MTSS1: variants seen among roughly 807,000 people sequenced by gnomAD.
MTSS1 encodes the protein protein MTSS 1.
Under a neutral mutation model 79.0 loss-of-function variants are expected in MTSS1, and 18 were observed. The observed-to-expected ratio is 0.23, with a 90% confidence interval of 0.16 to 0.34. The LOEUF is 0.34. Among genes scored for constraint, MTSS1 ranks in the 10% least tolerant of loss-of-function variants. The probability of loss-of-function intolerance (pLI) is 1.00; values close to 1 mark genes in which losing one functional copy is unlikely to be tolerated. For missense variants in MTSS1, 815 were observed against 986.2 expected, an observed-to-expected ratio of 0.83 and a Z score of 2.33; for synonymous variants, 341 against 368.6, an observed-to-expected ratio of 0.93 and a Z score of 0.86.
chr8:124,634,266 T>C (rs1225631710), intron 3 of MTSS1, among the ~76,000 whole-genome samples: 2 of 147,320 alleles, frequency 1.4e-5, no homozygotes, highest in East Asian at 4.0e-4. Context: ...CACACCATCA[T>C]ACCTGGCTAG....
chr8:124,605,299 A>T (rs1259650581), intron 3 of MTSS1, among the ~76,000 whole-genome samples: 2 of 152,242 alleles, frequency 1.3e-5, no homozygotes, highest in Non-Finnish European at 2.9e-5. Context: ...TGATGCAGAA[A>T]CCACATGTCA....
intron 3 of MTSS1, among the ~76,000 whole-genome samples, chr8:124,624,141 A>G (rs1239366753): frequency 6.6e-6 from 1 of 152,210 alleles, no homozygotes; most frequent in African/African-American, 2.4e-5. Flanking sequence ...CTCCTATTTG[A>G]AAAGGTTTGT....
chr8:124,645,648 C>T (rs1352509123), intron 3 of MTSS1, among the ~76,000 whole-genome samples: 2 of 151,878 alleles, frequency 1.3e-5, no homozygotes, highest in African/African-American at 4.8e-5. Context: ...ACTACTGTCC[C>T]CAAATCTCAT....
At chr8:124,705,465 C>T (rs6985856) in intron 1 of MTSS1, among the ~76,000 whole-genome samples, 49,198 of 151,764 alleles carry the variant, frequency 0.32, 8,904 homozygotes, top group African/African-American at 0.5. Flanking sequence ...AGCAACACTC[C>T]GTCTCAAAAA....
At chr8:124,556,152 GC>G (rs761461466) in intron 12 of MTSS1, 79 bp downstream of exon 12, 46 of 1,599,734 alleles carry the variant, frequency 2.9e-5, no homozygotes, top group Admixed American at 8.6e-5. Flanking sequence ...GGCTGCCTTG[GC>G]CCCCCAGTTG....
chr8:124,578,586 G>A (rs1033710520), intron 6 of MTSS1, among the ~76,000 whole-genome samples: 1 of 151,936 alleles, frequency 6.6e-6, no homozygotes, highest in South Asian at 2.1e-4. Flanking sequence ...CCCGAGGTCA[G>A]GAGTTCAAGA....
In MTSS1 at chr8:124,552,926, G is replaced by C; in HGVS notation, c.*66C>G. The C allele has an allele frequency of 6.7e-7, 1 of 1,495,144 alleles. No homozygotes were observed. 92.6% of individuals were successfully genotyped at this position (1,495,144 alleles called of 1,614,324 possible). A position where few individuals can be genotyped will look rare whatever the true frequency, so the allele number is the denominator to read the frequency against. Reference sequence around the variant, plus strand: ...CTTTTGTTTTATTATAGAGTGGAATGGATCAAGACAAATTAGGTTTTATTA... The same window carrying C: ...CTTTTGTTTTATTATAGAGTGGAATCGATCAAGACAAATTAGGTTTTATTA... On this transcript the variant is annotated 3_prime_UTR_variant, in exon 14 of 14. Coordinates refer to ENST00000518547, the MANE Select transcript of MTSS1 (RefSeq NM_014751.6).
intron 3 of MTSS1, among the ~76,000 whole-genome samples, chr8:124,639,621 C>T (rs1169979989): frequency 6.6e-6 from 1 of 151,930 alleles, no homozygotes; most frequent in East Asian, 1.9e-4. Flanking sequence ...TGCCACCATG[C>T]CCAGCTAATT....
At chr8:124,587,982 G>A (rs1831169361) in intron 5 of MTSS1, among the ~76,000 whole-genome samples, 1 of 152,214 alleles carries the variant, frequency 6.6e-6, no homozygotes, top group Non-Finnish European at 1.5e-5. Context: ...TCTGTTGTCT[G>A]TGATAGACAA....
chr8:124,633,508 C>T (rs778204837), intron 3 of MTSS1, among the ~76,000 whole-genome samples: 59 of 152,214 alleles, frequency 3.9e-4, no homozygotes, highest in Non-Finnish European at 6.8e-4. Context: ...AGTGGGTTTA[C>T]GCTTGTAATC....
rs1367789858 is a variant in MTSS1, at chr8:124,553,719, T to C, written c.1568-27A>G. ...TGATTATAGGATTTGATTAGACATA[T>C]TCAAGACAGCAGCTGTGCTTTTTTG... On this transcript the variant is annotated intron_variant, in intron 13 of 13. Coordinates refer to ENST00000518547, the MANE Select transcript of MTSS1 (RefSeq NM_014751.6). This position sits in a 1 kb window ranked among gnomAD's most constrained non-coding sequence, Gnocchi z 6.0. The C allele has an allele frequency of 1.3e-6, 2 of 1,568,934 alleles. No individual in the cohort carries two copies. The highest frequency in any genetic ancestry group is 1.7e-6 in the Non-Finnish European group (2 of 1,151,558).
chr8:124,640,102 A>T (rs950601274), intron 3 of MTSS1, among the ~76,000 whole-genome samples: 14 of 152,210 alleles, frequency 9.2e-5, no homozygotes, highest in Admixed American at 7.8e-4. Flanking sequence ...CATTTTACAG[A>T]GGAGGAAACT....
chr8:124,704,328 C>G, intron 1 of MTSS1, 137 bp from the exon 2 acceptor site: 1 of 762,780 alleles, frequency 1.3e-6, no homozygotes, highest in Non-Finnish European at 2.3e-6. Flanking sequence ...AATACGTTTC[C>G]CGGATTCTAT....
At chr8:124,689,549 C>T (rs1827585750) in intron 3 of MTSS1, among the ~76,000 whole-genome samples, 1 of 151,786 alleles carries the variant, frequency 6.6e-6, no homozygotes, top group South Asian at 2.1e-4. Context: ...AGTTTGAGAC[C>T]AGCCTGACCA....
chr8:124,595,058 T>C (rs1487969060), intron 3 of MTSS1, among the ~76,000 whole-genome samples: 1 of 152,122 alleles, frequency 6.6e-6, no homozygotes, highest in African/African-American at 2.4e-5. Flanking sequence ...TGGTGTTGAA[T>C]AAAGGAACGG....
chr8:124,593,468 T>C (rs576996360), intron 3 of MTSS1, among the ~76,000 whole-genome samples: 12 of 152,354 alleles, frequency 7.9e-5, no homozygotes, highest in African/African-American at 2.9e-4. Context: ...AGGGTAGTCA[T>C]CGAAATGTTG....
At chr8:124,592,793 T>C (rs1832079243) in intron 3 of MTSS1, among the ~76,000 whole-genome samples, 1 of 152,242 alleles carries the variant, frequency 6.6e-6, no homozygotes, top group African/African-American at 2.4e-5. Context: ...GCTTTGTTGC[T>C]GGGCTGGACT....
At chr8:124,673,075 G>A (rs1824590515) in intron 3 of MTSS1, 2 of 152,120 alleles carry the variant, frequency 1.3e-5, no homozygotes, top group African/African-American at 4.8e-5. Flanking sequence ...GTTCTCGCTG[G>A]ACTAGTGCAC....
intron 3 of MTSS1, among the ~76,000 whole-genome samples, chr8:124,641,762 C>T (rs867227496): frequency 6.6e-6 from 1 of 152,148 alleles, no homozygotes; most frequent in Non-Finnish European, 1.5e-5. Context: ...GTGTTCCCCA[C>T]CTGAAAATAA....
Sources: allele counts gnomAD v4.1 joint callset (sites outside exome capture counted in the v4.1 genomes callset), GRCh38; gene constraint gnomAD v4.1.1; non-coding constraint Gnocchi (gnomAD v3.1); transcripts MANE v1.5; gene names NCBI Gene and HGNC (gene_info 2026-07-23, HGNC 2026-07-21).